Variants in FAN1 observed in about 807,000 individuals in gnomAD.
FAN1 encodes the protein fanconi-associated nuclease 1.
FAN1 carries 91 observed loss-of-function variants against 104.9 expected under a neutral mutation model. The ratio of observed to expected loss-of-function variants is 0.87; its 90% confidence interval spans 0.73 to 1.03. The LOEUF (loss-of-function observed/expected upper bound fraction) is 1.03. FAN1 is among the 50% of genes least tolerant of loss of function. FAN1 has a pLI of 0.00. For missense variants in FAN1, 1,263 were observed against 1,239.9 expected, an observed-to-expected ratio of 1.02 and a Z score of -0.28; for synonymous variants, 478 against 457.6, an observed-to-expected ratio of 1.04 and a Z score of -0.57.
intron 10 of FAN1, chr15:30,927,067 T>G (rs963483649): frequency 3.1e-6 from 3 of 969,008 alleles, no homozygotes; most frequent in Admixed American, 1.2e-4. Flanking sequence ...ATCCCAGCAC[T>G]TGGGGAGGCT....
chr15:30,940,378 A>C (rs1043742), intron 14 of FAN1: 317,435 of 984,986 alleles, frequency 0.32, 52,266 homozygotes, highest in Non-Finnish European at 0.34. Flanking sequence ...TTCTGTCGCT[A>C]TTCAAATGGC....
At chr15:30,904,257 T>A (rs2061916216) in intron 1 of FAN1, among the ~76,000 whole-genome samples, 1 of 152,160 alleles carries the variant, frequency 6.6e-6, no homozygotes, top group Non-Finnish European at 1.5e-5. Flanking sequence ...GGTCAAATTG[T>A]CCCTTTTTAG....
intron 13 of FAN1, 148 bp from the exon 14 acceptor site, chr15:30,936,971 G>A (rs1380955878): frequency 9.2e-6 from 6 of 654,320 alleles, no homozygotes; most frequent in African/African-American, 9.1e-5. Context: ...GTAAGTGAAG[G>A]ACCATCCGTA....
At chr15:30,940,337 T>C in intron 14 of FAN1, 2 of 985,454 alleles carry the variant, frequency 2.0e-6, no homozygotes, top group Non-Finnish European at 2.4e-6. Context: ...TCCTCAACTT[T>C]GCTGTCCAAA....
chr15:30,942,152 A>G lies in FAN1; in HGVS notation c.*590A>G. 6.9e-7 allele frequency: 1 copy of G among 1,439,152 alleles called. No individual in the cohort carries two copies. Among genetic ancestry groups the G allele is most frequent in the East Asian group, 2.3e-5 (1 of 43,738 alleles). The allele number at this position is 1,439,152 out of a possible 1,614,324, so 89.1% of individuals were successfully genotyped here. ...AGGATGCAATGGCAAATATAAACTCAATACTATGAAAAATTAATGGAATTT... is the reference window on the plus strand; with the variant it reads ...AGGATGCAATGGCAAATATAAACTCGATACTATGAAAAATTAATGGAATTT... On this transcript the variant is annotated 3_prime_UTR_variant, in exon 15 of 15. Coordinates refer to ENST00000362065, the MANE Select transcript of FAN1 (RefSeq NM_014967.5).
In FAN1 at chr15:30,942,717, C is replaced by G. The variant is rs886764711; in HGVS notation, c.*1155C>G. The G allele has an allele frequency of 6.1e-6, 4 of 651,662 alleles. No individual in the cohort carries two copies. The African/African-American group carries it at 7.5e-5, about 12-fold the overall frequency. The allele number at this position is 651,662 out of a possible 1,614,324, so 40.4% of individuals were successfully genotyped here. On this transcript the variant is annotated 3_prime_UTR_variant, in exon 15 of 15. Transcript: ENST00000362065. Reference sequence around the variant, plus strand: ...ACTGAGACTTTGTGGGCCTCAGACACCAGGAAGAAAGCTGGGATACAGTCA... The same window carrying G: ...ACTGAGACTTTGTGGGCCTCAGACAGCAGGAAGAAAGCTGGGATACAGTCA...
chr15:30,941,355 C>T, intron 14 of FAN1: 2 of 1,536,574 alleles, frequency 1.3e-6, no homozygotes, highest in Non-Finnish European at 1.7e-6. Flanking sequence ...GTGCAAATTC[C>T]AACTATTATT....
rs534738464 is a variant in FAN1, at chr15:30,942,150, T to A, written c.*588T>A. ...GAAGGATGCAATGGCAAATATAAAC[T>A]CAATACTATGAAAAATTAATGGAAT... On this transcript the variant is annotated 3_prime_UTR_variant, in exon 15 of 15. Coordinates refer to ENST00000362065, the MANE Select transcript of FAN1 (RefSeq NM_014967.5). The A allele has an allele frequency of 1.4e-6, 2 of 1,446,296 alleles. No homozygotes were observed. The highest frequency in any genetic ancestry group is 4.6e-5 in the East Asian group (2 of 43,772). 89.6% of individuals were successfully genotyped at this position (1,446,296 alleles called of 1,614,324 possible).
At chr15:30,929,944 AATATAATATATATC>A (rs2062653999) in intron 12 of FAN1, among the ~76,000 whole-genome samples, 1 of 107,818 alleles carries the variant, frequency 9.3e-6, no homozygotes, top group African/African-American at 4.9e-5. Context: ...TAAAATATAT[AATATAATATATATC>A]ATATAATATA....
chr15:30,938,287 T>TAC (rs2062923877), intron 14 of FAN1, among the ~76,000 whole-genome samples: 1 of 152,220 alleles, frequency 6.6e-6, no homozygotes, highest in South Asian at 2.1e-4. Flanking sequence ...TACTGCCCTA[T>TAC]ACACATTTAG....
At chr15:30,913,771 C>T (rs2062144870) in intron 4 of FAN1, 87 bp from the exon 5 acceptor site, 1 of 898,924 alleles carries the variant, frequency 1.1e-6, no homozygotes. Flanking sequence ...TGTCATTTCT[C>T]TTTATTTTAG....
chr15:30,940,573 C>G, intron 14 of FAN1: 1 of 985,454 alleles, frequency 1.0e-6, no homozygotes, highest in Non-Finnish European at 1.2e-6. Context: ...TCCCAGCAAG[C>G]CTTGTTTGTT....
chr15:30,906,573 C>T (rs997770015), intron 2 of FAN1: 1 of 452,802 alleles, frequency 2.2e-6, no homozygotes, highest in Non-Finnish European at 4.5e-6. Flanking sequence ...TCTGTGGAAC[C>T]ATGTCCCTGA....
chr15:30,933,657 T>A (rs1205574984), intron 13 of FAN1, among the ~76,000 whole-genome samples: 4 of 152,244 alleles, frequency 2.6e-5, no homozygotes, highest in Non-Finnish European at 5.9e-5. Context: ...TAGTGTTGTT[T>A]AAGTTGTCTG....
intron 4 of FAN1, chr15:30,911,466 T>C (rs1412904436): frequency 1.0e-6 from 1 of 983,614 alleles, no homozygotes; most frequent in Non-Finnish European, 1.2e-6. Context: ...ATATTTCAGT[T>C]GTTATGAGCC....
chr15:30,904,796 C>A lies in FAN1; in HGVS notation c.133C>A (p.Pro45Thr). 5 of 1,613,620 alleles carry A rather than the reference C, an allele frequency of 3.1e-6. No individual in the cohort carries two copies. The highest frequency in any genetic ancestry group is 4.2e-6 in the Non-Finnish European group (5 of 1,179,604). The change falls in exon 2 of 15, where the codon CCC (proline) becomes ACC (threonine). Residue 45 changes from proline (P) to threonine (T), a missense_variant. Around this residue, in one of 2 missense-constraint regions of FAN1, gnomAD observed 682 missense variants for 571.1 expected, o/e 1.19. Transcript: ENST00000362065. ...TGCACCACCTGCTAAACTTGCCTGC[C>A]CCGTTTGCAGTAAAATGGTGCCTAG... is the stretch of plus-strand genomic sequence containing the variant. ...NNAPPAKLAC[P>T]VCSKMVPRYD...
chr15:30,925,310 G>C lies in FAN1; in HGVS notation c.2337+19G>C. 2 of 1,610,022 alleles carry C rather than the reference G, an allele frequency of 1.2e-6. No homozygotes were observed. The highest frequency in any genetic ancestry group is 2.2e-5 in the South Asian group (2 of 90,682). ...GAAACACGTGAGGAAAGAGCCTGTG[G>C]GTGCTTTGGACTTAGGCGCGTGTAC... On this transcript the variant is annotated intron_variant, in intron 9 of 14. Coordinates refer to ENST00000362065, the MANE Select transcript of FAN1 (RefSeq NM_014967.5).
rs141108232 is a variant in FAN1, at chr15:30,940,375, G to A, written c.*4-1191G>A. 178 of 985,374 alleles carry A rather than the reference G, an allele frequency of 1.8e-4. No homozygotes were observed. In the African/African-American group the frequency reaches 2.8e-3, roughly 15 times the overall value. The allele number at this position is 985,374 out of a possible 1,614,324, so 61.0% of individuals were successfully genotyped here. On this transcript the variant is annotated intron_variant, in intron 14 of 14. Coordinates refer to ENST00000362065, the MANE Select transcript of FAN1 (RefSeq NM_014967.5). ...TGGGGGCTGGGGGAGCACTTCTGTC[G>A]CTATTCAAATGGCAGTGTTTTGAGA... is the stretch of plus-strand genomic sequence containing the variant.
chr15:30,931,389 T>A (rs2062706517), intron 13 of FAN1, among the ~76,000 whole-genome samples: 1 of 152,208 alleles, frequency 6.6e-6, no homozygotes, highest in South Asian at 2.1e-4. Context: ...GTCTTTTCAT[T>A]TTCTTAATAG....
Sources: allele counts gnomAD v4.1 joint callset (sites outside exome capture counted in the v4.1 genomes callset), GRCh38; gene constraint gnomAD v4.1.1; regional missense constraint gnomAD v4.1.1; transcripts MANE v1.5; gene names NCBI Gene and HGNC (gene_info 2026-07-23, HGNC 2026-07-21).